Variants in ASPRV1 observed in about 807,000 individuals in gnomAD.
The protein encoded by ASPRV1 is aspartic peptidase retroviral like 1, also known as retroviral-like aspartic protease 1.
Under a neutral mutation model 11.0 loss-of-function variants are expected in ASPRV1, and 7 were observed. That is an observed-to-expected ratio of 0.64 (90% CI 0.36 to 1.20). The LOEUF (loss-of-function observed/expected upper bound fraction) is 1.20, where lower values mean the gene tolerates loss of function less well. Among genes scored for constraint, ASPRV1 ranks in the 50% most tolerant of loss-of-function variants. ASPRV1 has a pLI of 0.02. For synonymous variants in ASPRV1, 136 were observed against 138.4 expected, an observed-to-expected ratio of 0.98 and a Z score of 0.12; for missense variants, 299 against 320.0, an observed-to-expected ratio of 0.93 and a Z score of 0.50.
the ASPRV1 span, among the ~76,000 whole-genome samples, chr2:70,039,052 C>T: frequency 7.6e-5 from 11 of 144,586 alleles, no homozygotes; most frequent in East Asian, 8.3e-4. Flanking sequence ...GCACTCCAGC[C>T]GGGGCAACGA....
At chr2:69,986,270 T>C in the ASPRV1 span, among the ~76,000 whole-genome samples, 1 of 152,192 alleles carries the variant, frequency 6.6e-6, no homozygotes, top group Non-Finnish European at 1.5e-5. Flanking sequence ...CAACTCTATC[T>C]ACATGAGGCC....
At chr2:69,948,076 C>T in the ASPRV1 span, among the ~76,000 whole-genome samples, 2 of 140,342 alleles carry the variant, frequency 1.4e-5, no homozygotes, top group South Asian at 2.3e-4. Flanking sequence ...AGGGAGACCC[C>T]GTCTCTCAAA....
At chr2:70,074,346 T>C in the ASPRV1 span, among the ~76,000 whole-genome samples, 1 of 149,950 alleles carries the variant, frequency 6.7e-6, no homozygotes, top group African/African-American at 2.4e-5. Context: ...TGGAGTGCAG[T>C]GGCACAATCT....
chr2:69,946,808 G>A, the ASPRV1 span, among the ~76,000 whole-genome samples: 2 of 152,194 alleles, frequency 1.3e-5, no homozygotes, highest in African/African-American at 4.8e-5. Flanking sequence ...ATTGACAGTG[G>A]AGGGGTGGCT....
At chr2:70,080,754 C>T in the ASPRV1 span, among the ~76,000 whole-genome samples, 1 of 152,174 alleles carries the variant, frequency 6.6e-6, no homozygotes, top group African/African-American at 2.4e-5. Flanking sequence ...AAACAATAGT[C>T]ACCAAAAACT....
chr2:70,037,384 C>T, the ASPRV1 span, among the ~76,000 whole-genome samples: 17 of 152,248 alleles, frequency 1.1e-4, no homozygotes, highest in East Asian at 7.7e-4. Context: ...GGCACAGTGG[C>T]GTGATCTCAG....
At chr2:69,952,381 C>A in the ASPRV1 span, among the ~76,000 whole-genome samples, 3 of 152,188 alleles carry the variant, frequency 2.0e-5, no homozygotes, top group South Asian at 4.1e-4. Context: ...TGGCCCACAT[C>A]TATAGTCCCA....
chr2:70,010,843 T>C, the ASPRV1 span, among the ~76,000 whole-genome samples: 1 of 152,186 alleles, frequency 6.6e-6, no homozygotes. Flanking sequence ...CTGTGCCCTG[T>C]CCTTTTCTCT....
chr2:69,963,352 C>T (rs1457915790), upstream of ASPRV1: 2 of 456,710 alleles, frequency 4.4e-6, no homozygotes, highest in South Asian at 3.1e-5. Context: ...AATGGCCCAG[C>T]CACACGCAAG....
the ASPRV1 span, among the ~76,000 whole-genome samples, chr2:70,015,060 A>C: frequency 6.6e-6 from 1 of 152,202 alleles, no homozygotes; most frequent in Admixed American, 6.5e-5. Flanking sequence ...AGAGAAATGC[A>C]AATCAAAACC....
the ASPRV1 span, among the ~76,000 whole-genome samples, chr2:69,973,929 C>T: frequency 6.6e-6 from 1 of 152,048 alleles, no homozygotes; most frequent in Admixed American, 6.6e-5. Flanking sequence ...TTCAATCCAC[C>T]AATATGATGT....
chr2:69,950,820 G>A, the ASPRV1 span, among the ~76,000 whole-genome samples: 1 of 150,066 alleles, frequency 6.7e-6, no homozygotes, highest in Non-Finnish European at 1.5e-5. Context: ...TCCAGCATGG[G>A]CAACAGAGTG....
chr2:70,080,380 C>A, the ASPRV1 span, among the ~76,000 whole-genome samples: 1 of 152,158 alleles, frequency 6.6e-6, no homozygotes, highest in Non-Finnish European at 1.5e-5. Flanking sequence ...GCATGTGCCA[C>A]CACACTCAGC....
the ASPRV1 span, among the ~76,000 whole-genome samples, chr2:70,061,034 AAC>A: frequency 1.3e-5 from 2 of 152,190 alleles, no homozygotes; most frequent in Non-Finnish European, 2.9e-5. Flanking sequence ...ATGGGGTGCT[AAC>A]AGTTTCTTTA....
chr2:70,069,996 C>T, the ASPRV1 span, among the ~76,000 whole-genome samples: 2 of 151,970 alleles, frequency 1.3e-5, no homozygotes, highest in Non-Finnish European at 2.9e-5. Flanking sequence ...CTGGCCAACA[C>T]GGCGAAACCT....
At chr2:69,998,930 C>G in the ASPRV1 span, among the ~76,000 whole-genome samples, 14 of 152,182 alleles carry the variant, frequency 9.2e-5, no homozygotes, top group African/African-American at 2.9e-4. Context: ...GGGCACAGGC[C>G]AAGAGCCATA....
At chr2:70,080,450 C>T in the ASPRV1 span, among the ~76,000 whole-genome samples, 1 of 152,244 alleles carries the variant, frequency 6.6e-6, no homozygotes, top group African/African-American at 2.4e-5. Flanking sequence ...TGGTCTCGAA[C>T]TCCTGACCTC....
chr2:70,029,407 G>T, the ASPRV1 span, among the ~76,000 whole-genome samples: 1 of 152,286 alleles, frequency 6.6e-6, no homozygotes, highest in South Asian at 2.1e-4. Context: ...TGGGGAGGCT[G>T]AGGTGGGTGG....
the ASPRV1 span, chr2:70,086,911 T>TG: frequency 3.3e-5 from 5 of 152,100 alleles, no homozygotes; most frequent in African/African-American, 1.2e-4. Flanking sequence ...GGAGCTGGGG[T>TG]GGGGGATCCA....
Sources: allele counts gnomAD v4.1 joint callset (sites outside exome capture counted in the v4.1 genomes callset), GRCh38; gene constraint gnomAD v4.1.1; transcripts MANE v1.5; gene names NCBI Gene and HGNC (gene_info 2026-07-23, HGNC 2026-07-21).